HP1BP3: variants seen among roughly 807,000 people sequenced by gnomAD.
The protein encoded by HP1BP3 is heterochromatin protein 1-binding protein 3.
Under a neutral mutation model 62.5 loss-of-function variants are expected in HP1BP3, and 12 were observed. That is an observed-to-expected ratio of 0.19 (90% confidence interval 0.12 to 0.31). The LOEUF (loss-of-function observed/expected upper bound fraction) is 0.31, where lower values mean the gene tolerates loss of function less well. Among genes scored for constraint, HP1BP3 ranks in the 10% least tolerant of loss-of-function variants. The pLI is 1.00. For missense variants in HP1BP3, 502 were observed against 651.8 expected, an observed-to-expected ratio of 0.77 and a Z score of 2.50; for synonymous variants, 260 against 237.8, an observed-to-expected ratio of 1.09 and a Z score of -0.86.
rs1308629621 is a variant in HP1BP3, at chr1:20,741,678, G to A, written c.*3119C>T. Among the ~76,000 whole-genome samples the A allele has an allele frequency of 6.6e-6, 1 of 152,178 alleles. No individual in the cohort carries two copies. The highest frequency in any genetic ancestry group is 2.4e-5 in the African/African-American group (1 of 41,434). ...CCTTCCTCATTTTGTAGGTTAAGAA[G>A]CCAACAATCTCTCTCCCAGCACTTT... On this transcript the variant is annotated 3_prime_UTR_variant, in exon 13 of 13. Coordinates refer to ENST00000438032, the MANE Select transcript of HP1BP3 (RefSeq NM_001372052.1).
intron 8 of HP1BP3, among the ~76,000 whole-genome samples, chr1:20,758,395 G>C (rs1238931715): frequency 6.6e-6 from 1 of 151,996 alleles, no homozygotes; most frequent in East Asian, 1.9e-4. Context: ...ACCCAGGCTG[G>C]AGTGCAGTGG....
At chr1:20,766,991 T>C (rs1043779997) in intron 7 of HP1BP3, among the ~76,000 whole-genome samples, 1 of 151,584 alleles carries the variant, frequency 6.6e-6, no homozygotes. Flanking sequence ...AGGACTCTTA[T>C]ACCTCCTCTA....
chr1:20,780,289 G>T, intron 2 of HP1BP3, 56 bp downstream of exon 2: 1 of 1,249,664 alleles, frequency 8.0e-7, no homozygotes, highest in Non-Finnish European at 1.2e-6. Context: ...GACCCAGCAG[G>T]GCCTGAAGTC....
At chr1:20,751,425 G>C (rs1245322319) in intron 9 of HP1BP3, among the ~76,000 whole-genome samples, 2 of 151,902 alleles carry the variant, frequency 1.3e-5, no homozygotes, top group Non-Finnish European at 2.9e-5. Flanking sequence ...GAAAAATTTT[G>C]ATAAATATTT....
intron 1 of HP1BP3, among the ~76,000 whole-genome samples, chr1:20,785,686 TGAA>T (rs141250688): frequency 0.02 from 2,974 of 152,292 alleles, 26 homozygotes; most frequent in Non-Finnish European, 0.024. Context: ...CATCCGGAAA[TGAA>T]GAGTTCAGTA....
chr1:20,767,713 G>C (rs1486135302), intron 6 of HP1BP3, 49 bp from the exon 7 acceptor site: 2 of 1,229,516 alleles, frequency 1.6e-6, no homozygotes, highest in Non-Finnish European at 2.3e-6. Flanking sequence ...CTTTACAGTA[G>C]GCTAAGGAAA....
intron 1 of HP1BP3, among the ~76,000 whole-genome samples, chr1:20,781,986 G>A (rs543135914): frequency 1.7e-4 from 26 of 152,232 alleles, no homozygotes; most frequent in South Asian, 1.5e-3. Context: ...ATGCAAATAT[G>A]ATATGGAAAT....
chr1:20,765,964 C>CAA (rs34214380), intron 7 of HP1BP3, among the ~76,000 whole-genome samples: 987 of 69,570 alleles, frequency 0.014, 3 homozygotes, highest in Middle Eastern at 0.075. Context: ...GACTCCGTCT[C>CAA]AAAAAAAAAA....
intron 11 of HP1BP3, among the ~76,000 whole-genome samples, chr1:20,747,007 C>T (rs373012266): frequency 1.3e-4 from 20 of 152,222 alleles, no homozygotes; most frequent in East Asian, 7.7e-4. Flanking sequence ...GAGTGAGACC[C>T]TGTCTCAAAA....
At chr1:20,763,579 T>C (rs1027339879) in intron 8 of HP1BP3, among the ~76,000 whole-genome samples, 2 of 152,234 alleles carry the variant, frequency 1.3e-5, no homozygotes, top group Non-Finnish European at 2.9e-5. Context: ...GGTAGTCTTC[T>C]GTAGACAGAA....
intron 8 of HP1BP3, among the ~76,000 whole-genome samples, chr1:20,759,141 C>A (rs1382271942): frequency 1.3e-5 from 2 of 152,278 alleles, no homozygotes; most frequent in Admixed American, 1.3e-4. Flanking sequence ...TGGCTCACAC[C>A]TGTAATCCCA....
intron 6 of HP1BP3, among the ~76,000 whole-genome samples, chr1:20,768,609 G>A (rs975236358): frequency 6.6e-6 from 1 of 152,140 alleles, no homozygotes; most frequent in Non-Finnish European, 1.5e-5. Context: ...GAAGGCCGAG[G>A]TGGGCAGATC....
At position 20,744,354 on chromosome 1, in the gene HP1BP3, G is replaced by C. The variant is rs2055182350; in HGVS notation, c.*443C>G. 6.5e-6 allele frequency: 1 copy of C among 154,544 alleles called. No homozygotes were observed. The highest frequency in any genetic ancestry group is 1.4e-5 in the Non-Finnish European group (1 of 69,606). The allele number at this position is 154,544 out of a possible 1,614,324, so 9.6% of individuals were successfully genotyped here. A position where few individuals can be genotyped will look rare whatever the true frequency, so the allele number is the denominator to read the frequency against. ...CTATAACTGAAGTCTCCAGGCAGGA[G>C]GCTTTACAACTCAGTCAGTGCTATA... On this transcript the variant is annotated 3_prime_UTR_variant, in exon 13 of 13. Coordinates refer to ENST00000438032, the MANE Select transcript of HP1BP3 (RefSeq NM_001372052.1).
intron 7 of HP1BP3, among the ~76,000 whole-genome samples, chr1:20,766,974 A>C (rs549786094): frequency 6.9e-6 from 1 of 144,006 alleles, no homozygotes; most frequent in South Asian, 2.2e-4. Flanking sequence ...AACAAACAAA[A>C]AAACAGAGGA....
chr1:20,778,785 CTTTT>C (rs869066619), intron 3 of HP1BP3, among the ~76,000 whole-genome samples: 1 of 142,952 alleles, frequency 7.0e-6, no homozygotes, highest in Non-Finnish European at 1.5e-5. Context: ...TTCTACTCCT[CTTTT>C]TTTTTTTTTT....
intron 4 of HP1BP3, chr1:20,774,657 TAAAC>T (rs2057219712): frequency 6.6e-6 from 1 of 152,058 alleles, no homozygotes; most frequent in Admixed American, 6.6e-5. Flanking sequence ...GACATTGGTG[TAAAC>T]AAACCTACAG....
chr1:20,767,163 A>C (rs2056827019), intron 7 of HP1BP3, among the ~76,000 whole-genome samples: 1 of 152,082 alleles, frequency 6.6e-6, no homozygotes, highest in African/African-American at 2.4e-5. Flanking sequence ...ACTAACAAAA[A>C]AAATTAGTCA....
intron 1 of HP1BP3, among the ~76,000 whole-genome samples, chr1:20,781,431 A>G (rs1287435151): frequency 1.3e-5 from 2 of 152,238 alleles, no homozygotes; most frequent in African/African-American, 2.4e-5. Context: ...TACAACAACT[A>G]GGATAAATCC....
intron 8 of HP1BP3, among the ~76,000 whole-genome samples, chr1:20,759,814 G>A (rs566799901): frequency 6.6e-6 from 1 of 151,726 alleles, no homozygotes; most frequent in African/African-American, 2.4e-5. Flanking sequence ...GTGAGAGAGT[G>A]AAGAGGAGTA....
Sources: allele counts gnomAD v4.1 joint callset (sites outside exome capture counted in the v4.1 genomes callset), GRCh38; gene constraint gnomAD v4.1.1; transcripts MANE v1.5; gene names NCBI Gene and HGNC (gene_info 2026-07-23, HGNC 2026-07-21).